The following KCNJ3 variants were observed in gnomAD, a reference collection of about 807,000 sequenced individuals.
KCNJ3 encodes the protein potassium inwardly rectifying channel subfamily J member 3.
A neutral mutation model predicts 39.2 loss-of-function variants in KCNJ3; 4 were observed. The ratio of observed to expected loss-of-function variants is 0.10; its 90% CI spans 0.05 to 0.23. The LOEUF (loss-of-function observed/expected upper bound fraction) is 0.23, where lower values mean the gene tolerates loss of function less well. Among genes scored for constraint, KCNJ3 ranks in the 10% least tolerant of loss-of-function variants. The probability of loss-of-function intolerance (pLI) is 1.00; values close to 1 mark genes in which losing one functional copy is unlikely to be tolerated. For synonymous variants in KCNJ3, 230 were observed against 237.4 expected (o/e 0.97, Z 0.29); for missense variants, 276 against 634.9 (o/e 0.43, Z 6.08).
rs1436532530 is a variant in KCNJ3, at chr2:154,857,659, T to A, written c.*2346T>A. On this transcript the variant is annotated 3_prime_UTR_variant, in exon 3 of 3. Transcript: ENST00000295101. The stretch of plus-strand genomic sequence containing the variant: ...ACTTTGGGAGGCGGAGGTTGGGGGA[T>A]CACCTGAGGTCAGGAGATCGAGACC... The A allele has an allele frequency of 6.6e-6, 1 of 151,164 alleles. No individual in the cohort carries two copies. Among genetic ancestry groups the A allele is most frequent in the Admixed American group, 6.6e-5 (1 of 15,184 alleles). The allele number at this position is 151,164 out of a possible 1,614,324, so 9.4% of individuals were successfully genotyped here.
chr2:154,803,867 T>C (rs1686863983), intron 2 of KCNJ3, among the ~76,000 whole-genome samples: 1 of 152,020 alleles, frequency 6.6e-6, no homozygotes, highest in Non-Finnish European at 1.5e-5. Context: ...ATAAAAATAT[T>C]CTGGATGCAG....
intron 2 of KCNJ3, among the ~76,000 whole-genome samples, chr2:154,760,718 ATTTTTTTCT>A (rs1169551411): frequency 3.1e-5 from 4 of 127,872 alleles, no homozygotes; most frequent in African/African-American, 8.9e-5. Flanking sequence ...CACCCTGGCT[ATTTTTTTCT>A]TTTTTTTCTT....
intron 2 of KCNJ3, among the ~76,000 whole-genome samples, chr2:154,752,434 A>G (rs1685862323): frequency 6.6e-6 from 1 of 152,036 alleles, no homozygotes; most frequent in Non-Finnish European, 1.5e-5. Context: ...GGAGCTTTAA[A>G]GAAGGATTTT....
At chr2:154,772,916 TA>T (rs1317095716) in intron 2 of KCNJ3, among the ~76,000 whole-genome samples, 1 of 152,088 alleles carries the variant, frequency 6.6e-6, no homozygotes, top group Non-Finnish European at 1.5e-5. Flanking sequence ...GTAATTTTAT[TA>T]ACTCAATTTT....
intron 2 of KCNJ3, among the ~76,000 whole-genome samples, chr2:154,841,125 TGA>T (rs1687567939): frequency 6.6e-6 from 1 of 152,206 alleles, no homozygotes; most frequent in Non-Finnish European, 1.5e-5. Context: ...CCTAGTTTAT[TGA>T]GAGTTTTTAA....
Position 154,857,061 on chromosome 2 carries a change from T to C in KCNJ3, c.*1748T>C, listed in dbSNP as rs1687851793. On this transcript the variant is annotated 3_prime_UTR_variant, in exon 3 of 3. Transcript: ENST00000295101. The stretch of plus-strand genomic sequence containing the variant: ...ACTATAATAATACCTTCTGGCTACC[T>C]CTGTATCAACCAAATTCTGTAGGTG... 1 of 152,190 alleles carries C rather than the reference T, an allele frequency of 6.6e-6. No individual in the cohort carries two copies. Among genetic ancestry groups the C allele is most frequent in the African/African-American group, 2.4e-5 (1 of 41,440 alleles). The allele number at this position is 152,190 out of a possible 1,614,324, so 9.4% of individuals were successfully genotyped here. A position where few individuals can be genotyped will look rare whatever the true frequency, so the allele number is the denominator to read the frequency against.
intron 2 of KCNJ3, among the ~76,000 whole-genome samples, chr2:154,728,965 A>G (rs1685407699): frequency 6.6e-6 from 1 of 152,182 alleles, no homozygotes; most frequent in African/African-American, 2.4e-5. Context: ...GACATCCAGT[A>G]AATATTAGTA....
chr2:154,699,522 C>T lies in KCNJ3; in HGVS notation c.702+45C>T, dbSNP rs561431306. 4 of 1,512,392 alleles carry T rather than the reference C, an allele frequency of 2.6e-6. No homozygotes were observed. Among genetic ancestry groups the T allele is most frequent in the East Asian group, 4.9e-5 (2 of 40,968 alleles). 93.7% of individuals were successfully genotyped at this position (1,512,392 alleles called of 1,614,324 possible). On this transcript the variant is annotated intron_variant, in intron 1 of 2. Transcript: ENST00000295101. This position sits in a 1 kb window ranked among gnomAD's most constrained non-coding sequence, Gnocchi z 6.4. ...TCCCCACCGGGAGACCTGCGTCCCC[C>T]AAACCCGCGGAGTAACTCGTCTGAG... is the stretch of plus-strand genomic sequence containing the variant.
At chr2:154,815,950 G>T (rs571676563) in intron 2 of KCNJ3, among the ~76,000 whole-genome samples, 1 of 152,120 alleles carries the variant, frequency 6.6e-6, no homozygotes, top group Non-Finnish European at 1.5e-5. Context: ...GAATATAAAT[G>T]TGTGTCCCAC....
intron 2 of KCNJ3, among the ~76,000 whole-genome samples, chr2:154,823,659 C>T (rs1362823150): frequency 1.3e-5 from 2 of 152,184 alleles, no homozygotes; most frequent in African/African-American, 4.8e-5. Context: ...GCATTACAAA[C>T]TCACTTCATA....
chr2:154,842,419 T>G (rs537707030), intron 2 of KCNJ3, among the ~76,000 whole-genome samples: 6 of 152,204 alleles, frequency 3.9e-5, no homozygotes, highest in South Asian at 2.1e-4. Context: ...ATATTCTGTT[T>G]ATTTGGGGTG....
At chr2:154,744,154 G>A (rs2105176843) in intron 2 of KCNJ3, among the ~76,000 whole-genome samples, 1 of 151,720 alleles carries the variant, frequency 6.6e-6, no homozygotes, top group East Asian at 1.9e-4. Flanking sequence ...TTGATTTTGA[G>A]TATTGAACCA....
In KCNJ3 at chr2:154,819,085, C is replaced by A. The variant is rs1401371006; in HGVS notation, c.920-35642C>A. Reference sequence around the variant, plus strand: ...AAAGCAGAGGCAGGATTGCTGGAGCCTAAGAGTTCGAGACCAGCCTGAGAG... The same window carrying A: ...AAAGCAGAGGCAGGATTGCTGGAGCATAAGAGTTCGAGACCAGCCTGAGAG... On this transcript the variant is annotated intron_variant, in intron 2 of 2. Transcript: ENST00000295101. Among the ~76,000 whole-genome samples, 3 of 151,578 alleles carry A rather than the reference C, an allele frequency of 2.0e-5. No individual in the cohort carries two copies. The South Asian group carries it at 6.3e-4, about 32-fold the overall frequency.
intron 2 of KCNJ3, among the ~76,000 whole-genome samples, chr2:154,846,708 C>A (rs950904238): frequency 2.6e-5 from 4 of 152,076 alleles, no homozygotes; most frequent in Non-Finnish European, 5.9e-5. Context: ...TGACCATGAG[C>A]CTTTAGCATC....
intron 2 of KCNJ3, among the ~76,000 whole-genome samples, chr2:154,794,120 A>G (rs992935437): frequency 1.3e-5 from 2 of 151,910 alleles, no homozygotes; most frequent in Non-Finnish European, 2.9e-5. Flanking sequence ...AGATTAATAT[A>G]TTCTATAATT....
At chr2:154,812,431 A>G (rs904170436) in intron 2 of KCNJ3, among the ~76,000 whole-genome samples, 11 of 152,156 alleles carry the variant, frequency 7.2e-5, no homozygotes, top group Non-Finnish European at 5.9e-5. Flanking sequence ...TACACTTTTA[A>G]TTTTAAAAGA....
At chr2:154,725,027 A>T (rs933113758) in intron 2 of KCNJ3, among the ~76,000 whole-genome samples, 1 of 149,242 alleles carries the variant, frequency 6.7e-6, no homozygotes, top group Non-Finnish European at 1.5e-5. Context: ...CCCTTGGGAG[A>T]TTCTTCTGCT....
At chr2:154,793,777 T>A (rs1052093108) in intron 2 of KCNJ3, among the ~76,000 whole-genome samples, 2 of 152,032 alleles carry the variant, frequency 1.3e-5, no homozygotes, top group Non-Finnish European at 2.9e-5. Context: ...CTCTGTAAGC[T>A]CTTCAAGTAG....
chr2:154,804,000 G>T (rs1483259997), intron 2 of KCNJ3, among the ~76,000 whole-genome samples: 2 of 151,936 alleles, frequency 1.3e-5, no homozygotes, highest in African/African-American at 4.8e-5. Flanking sequence ...AGTTTTTCAA[G>T]CTTATTTTTT....
Sources: gnomAD v4.1 joint callset for allele counts (sites outside exome capture counted in the v4.1 genomes callset) on GRCh38, gnomAD v4.1.1 for gene constraint, Gnocchi (gnomAD v3.1) non-coding constraint, MANE v1.5 for transcripts, NCBI Gene and HGNC (gene_info 2026-07-23, HGNC 2026-07-21) for gene names.